The following SIPA1L3 variants were observed in gnomAD, a reference collection of about 807,000 sequenced individuals.
SIPA1L3 encodes the protein signal-induced proliferation-associated 1-like protein 3.
In SIPA1L3, 59 loss-of-function variants were observed where a neutral mutation model predicts 150.1. That is an observed-to-expected ratio of 0.39 (90% CI 0.32 to 0.49). The LOEUF is 0.49. Ranked by LOEUF, SIPA1L3 falls within the 20% of genes least tolerant of loss-of-function variation. SIPA1L3 has a pLI of 0.86. For missense variants in SIPA1L3, 2,211 were observed against 2,489.5 expected, an observed-to-expected ratio of 0.89 and a Z score of 2.38; for synonymous variants, 1,070 against 1,077.6, an observed-to-expected ratio of 0.99 and a Z score of 0.14.
rs564848199 is a variant in SIPA1L3, at chr19:37,977,659, T to A, written c.-378-51430T>A. Among the ~76,000 whole-genome samples the A allele has an allele frequency of 6.5e-3, 880 of 136,220 alleles. 11 individuals are homozygous for A. The highest frequency in any genetic ancestry group is 8.1e-3 in the Non-Finnish European group (536 of 65,798). 89.4% of individuals were successfully genotyped at this position (136,220 alleles called of 152,430 possible). ...AAAAGTGGGCTGCTGTCACCAGAAG[T>A]TGGGGCAGAGACTCCAGGCTCCAGG... On this transcript the variant is annotated intron_variant, in intron 1 of 21. Transcript: ENST00000222345.
At chr19:37,951,238 A>G (rs1275101045) in intron 1 of SIPA1L3, among the ~76,000 whole-genome samples, 1 of 152,266 alleles carries the variant, frequency 6.6e-6, no homozygotes, top group African/African-American at 2.4e-5. Context: ...GATTCTTCTT[A>G]GGAAATACCC....
intron 2 of SIPA1L3, among the ~76,000 whole-genome samples, chr19:38,049,368 T>G (rs1324321301): frequency 6.6e-6 from 1 of 152,194 alleles, no homozygotes; most frequent in Non-Finnish European, 1.5e-5. Context: ...TTCGGTTTCT[T>G]CTGGTTTTCA....
chr19:38,072,180 G>T (rs1969736867), intron 2 of SIPA1L3, among the ~76,000 whole-genome samples: 1 of 152,176 alleles, frequency 6.6e-6, no homozygotes, highest in Admixed American at 6.5e-5. Context: ...ATGTGGCTAT[G>T]AGTTACTTCC....
At chr19:38,066,219 T>G (rs1481995022) in intron 2 of SIPA1L3, among the ~76,000 whole-genome samples, 3 of 151,998 alleles carry the variant, frequency 2.0e-5, no homozygotes, top group Non-Finnish European at 2.9e-5. Flanking sequence ...GGTCTCGTTA[T>G]GTTATCCAGG....
At chr19:38,124,045 C>T (rs1439163018) in intron 9 of SIPA1L3, among the ~76,000 whole-genome samples, 7 of 147,256 alleles carry the variant, frequency 4.8e-5, no homozygotes, top group East Asian at 2.1e-4. Context: ...CCAGTAGGGG[C>T]GGCTGGGCAG....
chr19:38,193,605 CA>C lies in SIPA1L3; in HGVS notation c.4666del (p.Ser1556AlafsTer8), dbSNP rs1421735350. 1.3e-6 allele frequency: 2 copies of C among 1,563,744 alleles called. No homozygotes were observed. The highest frequency in any genetic ancestry group is 1.7e-6 in the Non-Finnish European group (2 of 1,165,100). On this transcript the variant is annotated frameshift_variant, in exon 18 of 22. Transcript: ENST00000222345. LOFTEE classifies it high-confidence loss of function. ...GCCTGTGCAGCGGGCGCCGGGAGCC[CA>C]GCTTCGCCAGCCCCGCTGGCCTAGA... is the stretch of plus-strand genomic sequence containing the variant. ...ESLCSGRREP[S>X]FASPAGLEPG...
intron 17 of SIPA1L3, among the ~76,000 whole-genome samples, chr19:38,193,257 G>A (rs1242617093): frequency 6.6e-6 from 1 of 151,674 alleles, no homozygotes; most frequent in Non-Finnish European, 1.5e-5. Flanking sequence ...GCTGAGATAG[G>A]AGGATCGCTT....
chr19:38,094,843 G>C (rs1360543173), intron 4 of SIPA1L3, among the ~76,000 whole-genome samples: 1 of 152,124 alleles, frequency 6.6e-6, no homozygotes, highest in South Asian at 2.1e-4. Context: ...TACGCAGGTG[G>C]ATCACCTGAG....
chr19:38,028,658 C>T (rs963257429), intron 1 of SIPA1L3, among the ~76,000 whole-genome samples: 11 of 151,670 alleles, frequency 7.3e-5, no homozygotes, highest in East Asian at 3.9e-4. Context: ...GTTGTATTCC[C>T]GGAGCCTGGC....
chr19:37,981,932 T>C (rs922082772), intron 1 of SIPA1L3, among the ~76,000 whole-genome samples: 1 of 152,184 alleles, frequency 6.6e-6, no homozygotes, highest in Non-Finnish European at 1.5e-5. Flanking sequence ...AATATAAATA[T>C]CACCACCACA....
intron 1 of SIPA1L3, among the ~76,000 whole-genome samples, chr19:37,974,234 T>A (rs1967020600): frequency 6.6e-6 from 1 of 152,112 alleles, no homozygotes; most frequent in Non-Finnish European, 1.5e-5. Context: ...TAGTTACTTA[T>A]TTGTGGCTGG....
chr19:37,975,012 C>CA (rs1383874143), intron 1 of SIPA1L3, among the ~76,000 whole-genome samples: 1 of 151,990 alleles, frequency 6.6e-6, no homozygotes, highest in African/African-American at 2.4e-5. Context: ...CCCACCTCTA[C>CA]AAAAAATGCA....
intron 2 of SIPA1L3, among the ~76,000 whole-genome samples, chr19:38,037,051 G>A (rs984029660): frequency 6.6e-6 from 1 of 152,222 alleles, no homozygotes; most frequent in Non-Finnish European, 1.5e-5. Flanking sequence ...GACTGGTGGG[G>A]TATTTATGCA....
intron 1 of SIPA1L3, among the ~76,000 whole-genome samples, chr19:37,981,099 G>C (rs1967190562): frequency 6.6e-6 from 1 of 152,116 alleles, no homozygotes; most frequent in African/African-American, 2.4e-5. Context: ...CTTTTTATAG[G>C]GCTGGTTTGG....
chr19:38,150,616 G>A (rs537398274), intron 12 of SIPA1L3, among the ~76,000 whole-genome samples: 236 of 145,604 alleles, frequency 1.6e-3, no homozygotes, highest in Admixed American at 3.3e-3. Context: ...CACTGCAACC[G>A]CAATCTCCGC....
intron 8 of SIPA1L3, among the ~76,000 whole-genome samples, chr19:38,112,945 C>T (rs901283573): frequency 3.3e-5 from 5 of 152,178 alleles, no homozygotes; most frequent in African/African-American, 1.2e-4. Context: ...CAGTGGCTCA[C>T]GCTTGTAATC....
At chr19:37,951,272 G>A (rs2046761546) in intron 1 of SIPA1L3, among the ~76,000 whole-genome samples, 1 of 152,200 alleles carries the variant, frequency 6.6e-6, no homozygotes, top group Non-Finnish European at 1.5e-5. Context: ...TTACAAACAA[G>A]AGCAAATTAA....
chr19:38,170,009 G>A (rs1437343478), intron 15 of SIPA1L3, among the ~76,000 whole-genome samples: 4 of 151,962 alleles, frequency 2.6e-5, no homozygotes, highest in Non-Finnish European at 5.9e-5. Context: ...AGGTAGAGGG[G>A]CCAGGGTGGG....
At chr19:37,950,076 CAAAAAAAA>C (rs35506284) in intron 1 of SIPA1L3, among the ~76,000 whole-genome samples, 1 of 55,708 alleles carries the variant, frequency 1.8e-5, no homozygotes, top group African/African-American at 6.1e-5. Flanking sequence ...GACTGTGTCT[CAAAAAAAA>C]AAAAAAAAAA....
Sources: gnomAD v4.1 joint callset for allele counts (sites outside exome capture counted in the v4.1 genomes callset) on GRCh38, gnomAD v4.1.1 for gene constraint, MANE v1.5 for transcripts, NCBI Gene and HGNC (gene_info 2026-07-23, HGNC 2026-07-21) for gene names.